The following CACHD1 variants were observed in gnomAD, a reference collection of about 807,000 sequenced individuals.
The protein encoded by CACHD1 is VWFA and cache domain-containing protein 1.
CACHD1 carries 71 observed loss-of-function variants against 138.7 expected under a neutral mutation model. The ratio of observed to expected loss-of-function variants is 0.51; its 90% CI spans 0.42 to 0.62. The LOEUF is 0.62. CACHD1 is among the 20% of genes least tolerant of loss of function. The probability of loss-of-function intolerance (pLI) is 0.00; values close to 1 mark genes in which losing one functional copy is unlikely to be tolerated. For missense variants in CACHD1, 1,389 were observed against 1,625.3 expected (o/e 0.85, Z 2.50); for synonymous variants, 578 against 591.5 (o/e 0.98, Z 0.33).
chr1:64,487,219 G>C (rs1444611864), intron 1 of CACHD1, among the ~76,000 whole-genome samples: 1 of 152,140 alleles, frequency 6.6e-6, no homozygotes, highest in Non-Finnish European at 1.5e-5. Context: ...CCCTCTGGCT[G>C]GTTCCATTTT....
intron 7 of CACHD1, among the ~76,000 whole-genome samples, chr1:64,636,763 G>A (rs774658456): frequency 6.6e-6 from 1 of 152,118 alleles, no homozygotes; most frequent in Non-Finnish European, 1.5e-5. Context: ...TCTCGCTTGT[G>A]ATTAACTCAA....
At chr1:64,590,411 G>A (rs746687271) in intron 3 of CACHD1, among the ~76,000 whole-genome samples, 2 of 150,874 alleles carry the variant, frequency 1.3e-5, no homozygotes, top group African/African-American at 4.9e-5. Context: ...TTTTTTCCCT[G>A]TAAATTGGTT....
At chr1:64,677,750 C>G (rs1433856349) in intron 22 of CACHD1, among the ~76,000 whole-genome samples, 1 of 152,078 alleles carries the variant, frequency 6.6e-6, no homozygotes, top group African/African-American at 2.4e-5. Context: ...AGTGAGGAAA[C>G]CTGTGGTGAC....
At chr1:64,580,769 CTCTA>C (rs1647005946) in intron 2 of CACHD1, among the ~76,000 whole-genome samples, 1 of 152,226 alleles carries the variant, frequency 6.6e-6, no homozygotes, top group South Asian at 2.1e-4. Flanking sequence ...AATCCCTGGC[CTCTA>C]TCTATCTACT....
chr1:64,635,380 ATTTT>A (rs71056060), intron 7 of CACHD1, among the ~76,000 whole-genome samples: 8 of 91,842 alleles, frequency 8.7e-5, no homozygotes, highest in Admixed American at 2.6e-4. Flanking sequence ...CTCTAATTTA[ATTTT>A]TTTTTTTTTT....
At chr1:64,650,648 C>T (rs756401910) in intron 9 of CACHD1, among the ~76,000 whole-genome samples, 4 of 152,116 alleles carry the variant, frequency 2.6e-5, no homozygotes, top group Admixed American at 6.6e-5. Context: ...CATAGCAACT[C>T]AATAATACCT....
At chr1:64,486,853 GT>G (rs1395930761) in intron 1 of CACHD1, among the ~76,000 whole-genome samples, 1 of 152,174 alleles carries the variant, frequency 6.6e-6, no homozygotes, top group Non-Finnish European at 1.5e-5. Context: ...TAAATGCTAA[GT>G]ACATGTAATG....
intron 1 of CACHD1, among the ~76,000 whole-genome samples, chr1:64,525,169 T>A (rs182660399): frequency 9.7e-4 from 147 of 152,330 alleles, no homozygotes; most frequent in South Asian, 4.3e-3. Flanking sequence ...TGCTTTATAT[T>A]ATAATTCTTC....
Position 64,634,248 on chromosome 1 carries a change from A to G in CACHD1, c.994A>G (p.Lys332Glu), listed in dbSNP as rs764245231. 1.5e-5 allele frequency: 24 copies of G among 1,613,790 alleles called. No individual in the cohort carries two copies. Among genetic ancestry groups the G allele is most frequent in the Admixed American group, 1.3e-4 (8 of 59,978 alleles). ...GATTCGAAGTACAAACAATAACACAAAGTTCCAAGCAAGTGAGTGCGTTCT... is the reference window on the plus strand; with the variant it reads ...GATTCGAAGTACAAACAATAACACAGAGTTCCAAGCAAGTGAGTGCGTTCT... Reference protein sequence around the residue: ...QLIRSTNNNTKFQANTDMVII... With the variant: ...QLIRSTNNNTEFQANTDMVII... Residue 332 changes from lysine (K) to glutamate (E), a missense_variant, in exon 7 of 27, where the codon AAG (lysine) becomes GAG (glutamate). Transcript: ENST00000651257.
At chr1:64,501,914 T>C (rs1646342495) in intron 1 of CACHD1, among the ~76,000 whole-genome samples, 1 of 152,264 alleles carries the variant, frequency 6.6e-6, no homozygotes, top group Non-Finnish European at 1.5e-5. Flanking sequence ...AGTAATTAAA[T>C]GATAGGTAAA....
chr1:64,519,653 A>T (rs1383786462), intron 1 of CACHD1, among the ~76,000 whole-genome samples: 6 of 152,250 alleles, frequency 3.9e-5, no homozygotes, highest in Admixed American at 2.0e-4. Flanking sequence ...AGTTAACCAG[A>T]GTTACTAAGC....
intron 2 of CACHD1, among the ~76,000 whole-genome samples, chr1:64,580,756 G>A (rs1172651430): frequency 6.6e-6 from 1 of 152,126 alleles, no homozygotes; most frequent in Admixed American, 6.6e-5. Context: ...GGATGTTTAG[G>A]AGAATCCCTG....
intron 1 of CACHD1, among the ~76,000 whole-genome samples, chr1:64,508,147 G>T (rs1242802964): frequency 6.6e-6 from 1 of 152,138 alleles, no homozygotes; most frequent in Non-Finnish European, 1.5e-5. Context: ...GAAACAACCA[G>T]ATTTTGTGAG....
At chr1:64,566,485 C>CCCA (rs1553133838) in intron 2 of CACHD1, among the ~76,000 whole-genome samples, 5 of 142,750 alleles carry the variant, frequency 3.5e-5, no homozygotes, top group Non-Finnish European at 6.4e-5. Context: ...CAATTCCCCC[C>CCCA]CCCCCACAAG....
intron 2 of CACHD1, among the ~76,000 whole-genome samples, chr1:64,555,083 G>A (rs992561307): frequency 5.3e-5 from 8 of 152,070 alleles, no homozygotes; most frequent in African/African-American, 1.9e-4. Flanking sequence ...CCACCTTTGG[G>A]GCTCAAGCAT....
At chr1:64,555,969 C>T (rs927070060) in intron 2 of CACHD1, among the ~76,000 whole-genome samples, 1 of 152,138 alleles carries the variant, frequency 6.6e-6, no homozygotes, top group Non-Finnish European at 1.5e-5. Flanking sequence ...ATCCTTGTGC[C>T]AGTACCACAT....
At chr1:64,533,749 T>TC (rs10624761) in intron 1 of CACHD1, among the ~76,000 whole-genome samples, 10,840 of 50,454 alleles carry the variant, frequency 0.21, 378 homozygotes, top group African/African-American at 0.29. Context: ...CTTCTCTCTC[T>TC]TTTTTTTTTT....
intron 15 of CACHD1, 44 bp from the exon 16 acceptor site, chr1:64,666,013 T>A (rs1649619968): frequency 1.6e-5 from 20 of 1,216,990 alleles, no homozygotes; most frequent in Non-Finnish European, 2.0e-5. Flanking sequence ...TCAAAAAAAA[T>A]AAATAAAAAA....
At chr1:64,502,738 G>GA (rs1250572668) in intron 1 of CACHD1, among the ~76,000 whole-genome samples, 2 of 152,144 alleles carry the variant, frequency 1.3e-5, no homozygotes, top group African/African-American at 4.8e-5. Context: ...AGGAGAGGTT[G>GA]AAAATTTGTG....
Sources: allele counts gnomAD v4.1 joint callset (sites outside exome capture counted in the v4.1 genomes callset), GRCh38; gene constraint gnomAD v4.1.1; transcripts MANE v1.5; gene names NCBI Gene and HGNC (gene_info 2026-07-23, HGNC 2026-07-21).